Variants in DDX19A observed in about 807,000 individuals in gnomAD.
The protein encoded by DDX19A is ATP-dependent RNA helicase DDX19A.
A neutral mutation model predicts 60.6 loss-of-function variants in DDX19A; 12 were observed. The observed-to-expected ratio is 0.20, with a 90% CI of 0.13 to 0.32. DDX19A has a LOEUF of 0.32. DDX19A is among the 10% of genes least tolerant of loss of function. The pLI, the probability that DDX19A is intolerant of heterozygous loss-of-function variation, is 1.00. For synonymous variants in DDX19A, 206 were observed against 218.2 expected, an observed-to-expected ratio of 0.94 and a Z score of 0.49; for missense variants, 337 against 600.6, an observed-to-expected ratio of 0.56 and a Z score of 4.59.
At chr16:70,360,734 A>G (rs1448496964) in intron 4 of DDX19A, 2 of 152,248 alleles carry the variant, frequency 1.3e-5, no homozygotes, top group African/African-American at 2.4e-5. Flanking sequence ...AAATCTTAGC[A>G]GTATAGTAAA....
intron 5 of DDX19A, among the ~76,000 whole-genome samples, chr16:70,361,859 A>G (rs557693203): frequency 6.6e-6 from 1 of 152,102 alleles, no homozygotes; most frequent in Non-Finnish European, 1.5e-5. Flanking sequence ...CAACATGGCA[A>G]AACCCTGTCT....
intron 4 of DDX19A, among the ~76,000 whole-genome samples, chr16:70,357,366 GTTTTTTTTTTTTTTTTTTTTTTTTTT>G (rs71151183): frequency 4.7e-4 from 21 of 44,596 alleles, no homozygotes; most frequent in Non-Finnish European, 7.4e-4. Flanking sequence ...TTTTTGGTTT[GTTTTTTTTTTTTTTTTTTTTTTTTTT>G]TTTTTTTTTT....
intron 1 of DDX19A, 129 bp from the exon 2 acceptor site, chr16:70,350,428 A>G: frequency 1.7e-6 from 1 of 582,102 alleles, no homozygotes; most frequent in Non-Finnish European, 3.0e-6. Context: ...TTGAGGGAAC[A>G]AACCGACTCC....
chr16:70,367,860 G>C (rs1454654758), intron 9 of DDX19A, among the ~76,000 whole-genome samples: 6 of 150,754 alleles, frequency 4.0e-5, no homozygotes, highest in East Asian at 2.0e-4. Flanking sequence ...CTGGGTGAGA[G>C]AGCGAGACTC....
intron 2 of DDX19A, 81 bp downstream of exon 2, chr16:70,350,686 G>A (rs1467097053): frequency 4.7e-6 from 5 of 1,068,122 alleles, no homozygotes; most frequent in Non-Finnish European, 7.0e-6. Flanking sequence ...TGTACAAAGA[G>A]CTGTCATTTC....
chr16:70,359,956 T>C (rs1442419125), intron 4 of DDX19A, among the ~76,000 whole-genome samples: 1 of 152,132 alleles, frequency 6.6e-6, no homozygotes, highest in Non-Finnish European at 1.5e-5. Flanking sequence ...ATTTACTGTA[T>C]ATCAGCTACT....
intron 4 of DDX19A, among the ~76,000 whole-genome samples, chr16:70,356,556 C>G (rs747092820): frequency 6.6e-6 from 1 of 151,902 alleles, no homozygotes; most frequent in Non-Finnish European, 1.5e-5. Flanking sequence ...CGGGGTTTCA[C>G]CATGTTGGCC....
chr16:70,365,686 A>G (rs1288362021), intron 7 of DDX19A: 3 of 237,004 alleles, frequency 1.3e-5, no homozygotes, highest in Non-Finnish European at 2.5e-5. Context: ...AGGCTGAGGC[A>G]GGAGGATCGC....
rs1964517294 is a variant in DDX19A at position 70,366,282 on chromosome 16, G to A, written c.782+20G>A. Reference sequence around the variant, plus strand: ...CCAGAGGTAGGGATCTCGAGGGTGGGGGACTCCTCAGACTCCCCATCTGCA... The same window carrying A: ...CCAGAGGTAGGGATCTCGAGGGTGGAGGACTCCTCAGACTCCCCATCTGCA... On this transcript the variant is annotated intron_variant, in intron 8 of 11. Coordinates refer to ENST00000302243, the MANE Select transcript of DDX19A (RefSeq NM_018332.5). 1 of 1,613,436 alleles carries A rather than the reference G, an allele frequency of 6.2e-7. No individual in the cohort carries two copies. Among genetic ancestry groups the A allele is most frequent in the Admixed American group, 1.7e-5 (1 of 59,940 alleles).
At chr16:70,363,369 C>T (rs1017618377) in intron 5 of DDX19A, 1 of 151,916 alleles carries the variant, frequency 6.6e-6, no homozygotes, top group Non-Finnish European at 1.5e-5. Flanking sequence ...TGAAGTCTCG[C>T]TCTGTTGCCC....
intron 9 of DDX19A, among the ~76,000 whole-genome samples, chr16:70,368,109 A>G (rs1489900694): frequency 1.3e-5 from 2 of 152,200 alleles, no homozygotes; most frequent in Non-Finnish European, 2.9e-5. Context: ...CCCAGGAGTT[A>G]GAGGCTGCAG....
chr16:70,371,190 T>C (rs1239499178), intron 10 of DDX19A, 182 bp from the exon 11 acceptor site: 5 of 1,069,616 alleles, frequency 4.7e-6, no homozygotes, highest in South Asian at 1.7e-5. Context: ...GCCAAAGTTC[T>C]CTTCTTTTCC....
chr16:70,364,633 C>G lies in DDX19A; in HGVS notation c.477C>G (p.Asp159Glu), dbSNP rs754196006. ...TGCTCAGCCGAGTGGAGCCATCAGA[C>G]AGATACCCCCAGGTGAGGGCTTGCG... ...LAMLSRVEPS[D>E]RYPQCLCLSP... Residue 159 changes from aspartate to glutamate, a missense_variant, in exon 6 of 12, where the codon GAC becomes GAG. By Grantham distance (45) the Asp-to-Glu change is conservative (BLOSUM62 2). Coordinates refer to ENST00000302243, the MANE Select transcript of DDX19A (RefSeq NM_018332.5). 6.2e-7 allele frequency: 1 copy of G among 1,614,024 alleles called. No homozygotes were observed.
At position 70,372,974 on chromosome 16, in the gene DDX19A, T is replaced by A. The variant is rs955071919; in HGVS notation, c.*988T>A. On this transcript the variant is annotated 3_prime_UTR_variant, in exon 12 of 12. Transcript: ENST00000302243. Reference sequence around the variant, plus strand: ...TAGGCCGGGCGTGGTGGCTCATGCCTATAATCCCAGCACGTTGGGAGGCTG... The same window carrying A: ...TAGGCCGGGCGTGGTGGCTCATGCCAATAATCCCAGCACGTTGGGAGGCTG... 4 of 152,264 alleles carry A rather than the reference T, an allele frequency of 2.6e-5. No individual in the cohort carries two copies. Among genetic ancestry groups the A allele is most frequent in the Admixed American group, 2.6e-4 (4 of 15,272 alleles). 9.4% of individuals were successfully genotyped at this position (152,264 alleles called of 1,614,324 possible).
chr16:70,372,085 G>A lies in DDX19A; in HGVS notation c.*99G>A, dbSNP rs1597545883. The A allele has an allele frequency of 4.4e-6, 7 of 1,577,832 alleles. No homozygotes were observed. The highest frequency in any genetic ancestry group is 5.2e-6 in the Non-Finnish European group (6 of 1,149,986). On this transcript the variant is annotated 3_prime_UTR_variant, in exon 12 of 12. Coordinates refer to ENST00000302243, the MANE Select transcript of DDX19A (RefSeq NM_018332.5). ...CCCCGACATCACCCCAAGGACAACG[G>A]CAGAAGTAGAGAGAAACTACCTACC...
Position 70,356,382 on chromosome 16 carries a change from G to A in DDX19A, c.293+135G>A, listed in dbSNP as rs759409737. On this transcript the variant is annotated intron_variant, in intron 4 of 11. Coordinates refer to ENST00000302243, the MANE Select transcript of DDX19A (RefSeq NM_018332.5). ...TTTTCCTTTTTTTTTTCGAGACAGA[G>A]TTTCGCTCCTGTTGCCCAGCCTGGA... 1.3e-5 allele frequency: 18 copies of A among 1,381,678 alleles called. No individual in the cohort carries two copies. In the Middle Eastern group the frequency reaches 7.8e-4, roughly 60 times the overall value. 85.6% of individuals were successfully genotyped at this position (1,381,678 alleles called of 1,614,324 possible). A position where few individuals can be genotyped will look rare whatever the true frequency, so the allele number is the denominator to read the frequency against.
intron 2 of DDX19A, among the ~76,000 whole-genome samples, chr16:70,354,619 C>G (rs969759006): frequency 3.3e-5 from 5 of 152,142 alleles, no homozygotes; most frequent in African/African-American, 9.7e-5. Flanking sequence ...ATATTCTGAT[C>G]TGTCTGAAAT....
chr16:70,350,168 G>A (rs983269548), intron 1 of DDX19A, among the ~76,000 whole-genome samples: 16 of 152,100 alleles, frequency 1.1e-4, no homozygotes, highest in African/African-American at 3.6e-4. Context: ...TGGGAGGATC[G>A]CTAGAACCCA....
chr16:70,352,203 A>G (rs541149868), intron 2 of DDX19A, among the ~76,000 whole-genome samples: 1 of 152,082 alleles, frequency 6.6e-6, no homozygotes, highest in East Asian at 1.9e-4. Flanking sequence ...GTGGCGTGAT[A>G]TATACAGTAT....
Sources: allele counts gnomAD v4.1 joint callset (sites outside exome capture counted in the v4.1 genomes callset), GRCh38; gene constraint gnomAD v4.1.1; transcripts MANE v1.5; gene names NCBI Gene and HGNC (gene_info 2026-07-23, HGNC 2026-07-21).